Variants in ZBTB7C observed in about 807,000 individuals in gnomAD.
The protein encoded by ZBTB7C is zinc finger and BTB domain containing 7C.
Under a neutral mutation model 25.7 loss-of-function variants are expected in ZBTB7C, and 8 were observed. The observed-to-expected ratio is 0.31, with a 90% confidence interval of 0.18 to 0.56. The LOEUF is 0.56. Among genes scored for constraint, ZBTB7C ranks in the 20% least tolerant of loss-of-function variants. The pLI is 0.91. For synonymous variants in ZBTB7C, 394 were observed against 369.0 expected, an observed-to-expected ratio of 1.07 and a Z score of -0.78; for missense variants, 824 against 855.2, an observed-to-expected ratio of 0.96 and a Z score of 0.46.
chr18:48,026,790 C>T lies in ZBTB7C; in HGVS notation c.*2470G>A, dbSNP rs1050121529. 11 of 149,926 alleles carry T rather than the reference C, an allele frequency of 7.3e-5. No homozygotes were observed. Among genetic ancestry groups the T allele is most frequent in the African/African-American group, 2.7e-4 (11 of 40,596 alleles). 9.3% of individuals were successfully genotyped at this position (149,926 alleles called of 1,614,324 possible). A position where few individuals can be genotyped will look rare whatever the true frequency, so the allele number is the denominator to read the frequency against. On this transcript the variant is annotated 3_prime_UTR_variant, in exon 5 of 5. Coordinates refer to ENST00000590800, the MANE Select transcript of ZBTB7C (RefSeq NM_001318841.2). ...CTTTGACATTATTTTAAGTTTATGA[C>T]ACCCAACAATTAAAAACCTTAAGAC...
At chr18:48,058,588 T>C (rs1306934367) in intron 3 of ZBTB7C, among the ~76,000 whole-genome samples, 3 of 152,206 alleles carry the variant, frequency 2.0e-5, no homozygotes, top group African/African-American at 7.2e-5. Context: ...CCCTGACACC[T>C]TCTCCTCTAA....
At chr18:48,319,406 G>A (rs1016744766) in intron 2 of ZBTB7C, among the ~76,000 whole-genome samples, 11 of 152,192 alleles carry the variant, frequency 7.2e-5, no homozygotes, top group African/African-American at 2.7e-4. Flanking sequence ...ACACTCAGCA[G>A]AGTGCCTCAC....
chr18:48,029,800 G>A lies in ZBTB7C; in HGVS notation c.1320C>T (p.Arg440=), dbSNP rs1213087251. The A allele has an allele frequency of 2.5e-6, 4 of 1,608,648 alleles. No individual in the cohort carries two copies. Among genetic ancestry groups the A allele is most frequent in the Admixed American group, 3.3e-5 (2 of 59,996 alleles). The part of the protein sequence containing the change: ...VHNYDLKNHM[R]IHTGVRPYQC... ...GGTAGGGCCGCACGCCCGTGTGGAT[G>A]CGCATGTGGTTCTTGAGGTCGTAGT... The change falls in exon 5 of 5, where the codon CGC becomes CGT. Residue 440 remains arginine (R), a synonymous_variant. Coordinates refer to ENST00000590800, the MANE Select transcript of ZBTB7C (RefSeq NM_001318841.2).
intron 2 of ZBTB7C, among the ~76,000 whole-genome samples, chr18:48,306,705 A>G (rs562422317): frequency 6.6e-6 from 1 of 152,266 alleles, no homozygotes; most frequent in South Asian, 2.1e-4. Flanking sequence ...TATGTAGCTG[A>G]GCTCAGGAAC....
chr18:48,311,258 T>G (rs1235365932), intron 2 of ZBTB7C, among the ~76,000 whole-genome samples: 1 of 152,210 alleles, frequency 6.6e-6, no homozygotes, highest in Non-Finnish European at 1.5e-5. Context: ...TGAGGGCACA[T>G]GACTTGTCTT....
intron 2 of ZBTB7C, among the ~76,000 whole-genome samples, chr18:48,280,654 T>C (rs1441945673): frequency 6.6e-6 from 1 of 152,068 alleles, no homozygotes; most frequent in African/African-American, 2.4e-5. Context: ...ACATAAATCC[T>C]AGACACAAGG....
chr18:48,118,577 A>G (rs1207146323), intron 3 of ZBTB7C, among the ~76,000 whole-genome samples: 1 of 152,250 alleles, frequency 6.6e-6, no homozygotes, highest in Non-Finnish European at 1.5e-5. Flanking sequence ...TTATCCTAAG[A>G]AAACAATCAG....
chr18:48,386,084 G>A (rs2047741609), intron 1 of ZBTB7C, among the ~76,000 whole-genome samples: 1 of 152,146 alleles, frequency 6.6e-6, no homozygotes. Context: ...GTGCAATCAG[G>A]AAGACTGTCT....
At chr18:48,158,092 G>A (rs1269566129) in intron 3 of ZBTB7C, among the ~76,000 whole-genome samples, 1 of 152,132 alleles carries the variant, frequency 6.6e-6, no homozygotes, top group African/African-American at 2.4e-5. Context: ...TCTGTGCCAA[G>A]CAGGAACAAA....
Position 48,292,122 on chromosome 18 carries a change from T to C in ZBTB7C, c.-79+46052A>G, listed in dbSNP as rs370488938. ...CTGAGGCAGGAGAATCACTTGAACC[T>C]GGGAGGCGGAGGTTGCAGTGAGCTG... On this transcript the variant is annotated intron_variant, in intron 2 of 4. Coordinates refer to ENST00000590800, the MANE Select transcript of ZBTB7C (RefSeq NM_001318841.2). Among the ~76,000 whole-genome samples the C allele has an allele frequency of 2.6e-5, 4 of 151,600 alleles. No individual in the cohort carries two copies. The South Asian group carries it at 6.3e-4, about 24-fold the overall frequency.
intron 2 of ZBTB7C, among the ~76,000 whole-genome samples, chr18:48,200,741 G>A (rs148281206): frequency 3.3e-5 from 5 of 152,302 alleles, no homozygotes; most frequent in South Asian, 2.1e-4. Context: ...TTCCGCCCTC[G>A]TCCCAGCTCA....
At chr18:48,367,784 C>A (rs2047281219) in intron 1 of ZBTB7C, among the ~76,000 whole-genome samples, 1 of 151,938 alleles carries the variant, frequency 6.6e-6, no homozygotes, top group Admixed American at 6.6e-5. Flanking sequence ...TTTGCTAACG[C>A]TCAGCAGTAA....
intron 2 of ZBTB7C, among the ~76,000 whole-genome samples, chr18:48,317,567 C>T (rs779008567): frequency 1.2e-4 from 18 of 152,322 alleles, no homozygotes; most frequent in African/African-American, 4.1e-4. Flanking sequence ...TTGCAAAGTA[C>T]AGGGAGGCAC....
chr18:48,154,646 T>C (rs2040779803), intron 3 of ZBTB7C, among the ~76,000 whole-genome samples: 1 of 152,236 alleles, frequency 6.6e-6, no homozygotes, highest in Non-Finnish European at 1.5e-5. Flanking sequence ...TATGGAAAAC[T>C]TGATGTGTCT....
intron 2 of ZBTB7C, among the ~76,000 whole-genome samples, chr18:48,298,455 T>A (rs1454802191): frequency 6.6e-6 from 1 of 152,056 alleles, no homozygotes; most frequent in Non-Finnish European, 1.5e-5. Context: ...TACCTGGCTG[T>A]TTAAGGCTGC....
At chr18:48,345,283 G>A (rs569506515) in intron 1 of ZBTB7C, among the ~76,000 whole-genome samples, 1 of 152,290 alleles carries the variant, frequency 6.6e-6, no homozygotes, top group Non-Finnish European at 1.5e-5. Flanking sequence ...TTTCTTGCAG[G>A]AAATAGAAAG....
intron 2 of ZBTB7C, among the ~76,000 whole-genome samples, chr18:48,269,649 G>GT (rs1441336677): frequency 6.6e-6 from 1 of 152,198 alleles, no homozygotes; most frequent in African/African-American, 2.4e-5. Context: ...CTCACTGTAA[G>GT]GTATGTTAAC....
At chr18:48,052,228 GA>G (rs1307105835) in intron 3 of ZBTB7C, among the ~76,000 whole-genome samples, 1 of 152,206 alleles carries the variant, frequency 6.6e-6, no homozygotes, top group African/African-American at 2.4e-5. Context: ...GGCTGTGGTG[GA>G]AGGGTGGGAC....
At chr18:48,366,523 C>T (rs889838540) in intron 1 of ZBTB7C, among the ~76,000 whole-genome samples, 2 of 152,058 alleles carry the variant, frequency 1.3e-5, no homozygotes, top group African/African-American at 4.8e-5. Context: ...AAAATATTTG[C>T]AACATACATG....
Sources: allele counts gnomAD v4.1 joint callset (sites outside exome capture counted in the v4.1 genomes callset), GRCh38; gene constraint gnomAD v4.1.1; transcripts MANE v1.5; gene names NCBI Gene and HGNC (gene_info 2026-07-23, HGNC 2026-07-21).